Variants in DIP2A observed in about 807,000 individuals in gnomAD.
DIP2A encodes the protein DIP2 acetate--CoA ligase A, also known as disco-interacting protein 2 homolog A.
In DIP2A, 85 loss-of-function variants were observed where a neutral mutation model predicts 177.4. That is an observed-to-expected ratio of 0.48 (90% CI 0.40 to 0.57). The LOEUF (loss-of-function observed/expected upper bound fraction) is 0.57, where lower values mean the gene tolerates loss of function less well. Ranked by LOEUF, DIP2A falls within the 20% of genes least tolerant of loss-of-function variation. The pLI is 0.00. For missense variants in DIP2A, 1,791 were observed against 2,100.2 expected (o/e 0.85, Z 2.88); for synonymous variants, 886 against 881.8 (o/e 1.00, Z -0.08).
chr21:46,532,082 TAA>T, intron 9 of DIP2A, 43 bp from the exon 10 acceptor site: 1 of 1,560,200 alleles, frequency 6.4e-7, no homozygotes, highest in Non-Finnish European at 8.7e-7. Context: ...CTAGATATTG[TAA>T]AAATTGGAAA....
rs780756768 is a variant in DIP2A, at chr21:46,545,174, T to C, written c.2214T>C (p.Tyr738=). Residue 738 remains tyrosine, a synonymous_variant, in exon 19 of 38, where the codon TAT becomes TAC. Coordinates refer to ENST00000417564, the MANE Select transcript of DIP2A (RefSeq NM_015151.4). ...TTGTGAAGTTAGAAGGTACCCCTTATCTTTGTAAAACTGATGAAGTGGGAG... is the reference window on the plus strand; with the variant it reads ...TTGTGAAGTTAGAAGGTACCCCTTACCTTTGTAAAACTGATGAAGTGGGAG... ...VCVVKLEGTP[Y]LCKTDEVGEI... 4 of 1,608,054 alleles carry C rather than the reference T, an allele frequency of 2.5e-6. No homozygotes were observed. The highest frequency in any genetic ancestry group is 3.4e-6 in the Non-Finnish European group (4 of 1,175,100).
chr21:46,504,685 A>G (rs954601948), intron 6 of DIP2A, among the ~76,000 whole-genome samples, 196 bp downstream of exon 6: 9 of 152,242 alleles, frequency 5.9e-5, no homozygotes, highest in Admixed American at 5.2e-4. Flanking sequence ...GGAAATATCA[A>G]TGGAATTGGT....
rs1437497672 is a variant in DIP2A, at chr21:46,551,720, G to A, written c.2926G>A (p.Glu976Lys). 1 of 1,613,980 alleles carries A rather than the reference G, an allele frequency of 6.2e-7. No individual in the cohort carries two copies. The highest frequency in any genetic ancestry group is 1.1e-5 in the South Asian group (1 of 91,084). The change falls in exon 24 of 38, where the codon GAG becomes AAG. Residue 976 changes from glutamate to lysine, a missense_variant. By Grantham distance (56) the Glu-to-Lys change is moderately conservative (BLOSUM62 1). Transcript: ENST00000417564. ...TTCCGGGAGAGAGCTCGCCCACCTG[G>A]AGGACAGCGACCAGGCACGGAAGGT... is the stretch of plus-strand genomic sequence containing the variant. ...QASGRELAHL[E>K]DSDQARKFLF...
intron 1 of DIP2A, among the ~76,000 whole-genome samples, chr21:46,472,309 TG>T (rs2055457155): frequency 1.3e-5 from 2 of 152,222 alleles, no homozygotes; most frequent in African/African-American, 2.4e-5. Context: ...AATAAATGTC[TG>T]TTGTTTAAGT....
At position 46,549,851 on chromosome 21, in the gene DIP2A, A is replaced by T. The variant is rs756439294; in HGVS notation, c.2603A>T (p.Glu868Val). The T allele has an allele frequency of 1.2e-6, 2 of 1,612,726 alleles. No individual in the cohort carries two copies. The highest frequency in any genetic ancestry group is 1.7e-6 in the Non-Finnish European group (2 of 1,179,958). Residue 868 changes from glutamate (E) to valine (V), a missense_variant, in exon 22 of 38, where the codon GAG becomes GTG. Transcript: ENST00000417564. ...VAEQRPDASE[E>V]DSFQWMSRVL... ...GAGCAGCGGCCGGATGCCTCGGAGG[A>T]GGACAGCTTCCAGTGGATGAGCCGT...
rs1466419305 is a variant in DIP2A, at chr21:46,550,528, G to T, written c.2638-15G>T. 6.2e-7 allele frequency: 1 copy of T among 1,607,836 alleles called. No individual in the cohort carries two copies. Among genetic ancestry groups the T allele is most frequent in the East Asian group, 2.2e-5 (1 of 44,708 alleles). On this transcript the variant is annotated splice_polypyrimidine_tract_variant and intron_variant, in intron 22 of 37. Coordinates refer to ENST00000417564, the MANE Select transcript of DIP2A (RefSeq NM_015151.4). ...AAGTTGGGGGCCTGTGCCAAACAGGGTCCTTCCCTTTCAGGCCATTGATAG... is the reference window on the plus strand; with the variant it reads ...AAGTTGGGGGCCTGTGCCAAACAGGTTCCTTCCCTTTCAGGCCATTGATAG...
At chr21:46,467,378 T>G (rs1025007645) in intron 1 of DIP2A, among the ~76,000 whole-genome samples, 1 of 152,134 alleles carries the variant, frequency 6.6e-6, no homozygotes, top group Non-Finnish European at 1.5e-5. Context: ...TTTGTTTGTT[T>G]GTTTTTTAAG....
At chr21:46,469,686 C>T (rs1480227968) in intron 1 of DIP2A, among the ~76,000 whole-genome samples, 2 of 152,204 alleles carry the variant, frequency 1.3e-5, no homozygotes, top group South Asian at 2.1e-4. Context: ...AACTTTGTCT[C>T]AAGGACTCCT....
chr21:46,551,643 C>T lies in DIP2A; in HGVS notation c.2849C>T (p.Pro950Leu), dbSNP rs199908237. The T allele has an allele frequency of 9.0e-5, 145 of 1,613,798 alleles. No individual in the cohort carries two copies. The highest frequency in any genetic ancestry group is 2.4e-5 in the Non-Finnish European group (28 of 1,179,866). The change falls in exon 24 of 38, where the codon CCA becomes CTA. Residue 950 changes from proline (P) to leucine (L), a missense_variant. By Grantham distance (98) the Pro-to-Leu change is moderately conservative (BLOSUM62 -3). Transcript: ENST00000417564. ...KPRQKQPEVG[P>L]ASMIVGNLVA... The stretch of plus-strand genomic sequence containing the variant: ...GTTCCCCCGTTTCTAGAGGTTGGAC[C>T]AGCCTCAATGATCGTGGGGAACCTG...
intron 17 of DIP2A, among the ~76,000 whole-genome samples, chr21:46,540,648 C>A (rs2059775852): frequency 6.6e-6 from 1 of 152,140 alleles, no homozygotes; most frequent in Non-Finnish European, 1.5e-5. Context: ...CAATTGTAAT[C>A]TTGTATTATA....
chr21:46,537,327 G>C lies in DIP2A; in HGVS notation c.1707+39G>C. On this transcript the variant is annotated intron_variant, in intron 14 of 37. Transcript: ENST00000417564. This position sits in a 1 kb window ranked among gnomAD's most constrained non-coding sequence, Gnocchi z 4.1. ...GCTGATGACTAACTGTTGGAACAAG[G>C]GATTGAGATGAACCCAAGCCTCTGC... 6.2e-7 allele frequency: 1 copy of C among 1,612,712 alleles called. No individual in the cohort carries two copies. The highest frequency in any genetic ancestry group is 2.2e-5 in the East Asian group (1 of 44,880).
In DIP2A at chr21:46,538,839, C is replaced by T. The variant is rs2059681848; in HGVS notation, c.1921+237C>T. 5 of 526,290 alleles carry T rather than the reference C, an allele frequency of 9.5e-6. No individual in the cohort carries two copies. In the East Asian group the frequency reaches 1.1e-4, roughly 12 times the overall value. 32.6% of individuals were successfully genotyped at this position (526,290 alleles called of 1,614,324 possible). A position where few individuals can be genotyped will look rare whatever the true frequency, so the allele number is the denominator to read the frequency against. The stretch of plus-strand genomic sequence containing the variant: ...TAATATGCTTGATGAAAGGTACATG[C>T]CTTAATGAGAGTCATCTTTCTTAAG... On this transcript the variant is annotated intron_variant, in intron 16 of 37. Transcript: ENST00000417564.
chr21:46,469,518 C>G (rs374517496), intron 1 of DIP2A, among the ~76,000 whole-genome samples: 4 of 152,254 alleles, frequency 2.6e-5, no homozygotes, highest in Non-Finnish European at 4.4e-5. Flanking sequence ...GTGTGGAGCT[C>G]GATGACGTAC....
intron 35 of DIP2A, among the ~76,000 whole-genome samples, chr21:46,564,714 G>T (rs757669864): frequency 6.6e-6 from 1 of 152,196 alleles, no homozygotes; most frequent in Non-Finnish European, 1.5e-5. Flanking sequence ...AGCAAGCCGT[G>T]CCCAGAGGGA....
chr21:46,523,817 C>T (rs556945235), intron 8 of DIP2A, among the ~76,000 whole-genome samples: 4 of 152,298 alleles, frequency 2.6e-5, no homozygotes, highest in Admixed American at 6.5e-5. Flanking sequence ...AGTACCTCCG[C>T]GTGGTTACAA....
chr21:46,547,064 C>A (rs16979358), intron 21 of DIP2A, 22 bp downstream of exon 21: 1 of 1,607,498 alleles, frequency 6.2e-7, no homozygotes, highest in East Asian at 2.2e-5. Context: ...CGGACCCCCA[C>A]GCCGGGAGTA....
rs114809438 is a variant in DIP2A, at chr21:46,555,007, C to T, written c.3388+74C>T. 4.0e-3 allele frequency: 5,792 copies of T among 1,441,014 alleles called. 161 individuals carry two copies. In the African/African-American group the frequency reaches 0.066, roughly 17 times the overall value. 89.3% of individuals were successfully genotyped at this position (1,441,014 alleles called of 1,614,324 possible). ...TGTAGGTGTGGTGTGGCCTGGCTGC[C>T]GTCCAAAAACACACGTGAGGCAAGA... On this transcript the variant is annotated intron_variant, in intron 28 of 37. Transcript: ENST00000417564.
intron 12 of DIP2A, among the ~76,000 whole-genome samples, 160 bp from the exon 13 acceptor site, chr21:46,534,425 C>A (rs977376973): frequency 4.6e-5 from 7 of 152,206 alleles, no homozygotes; most frequent in African/African-American, 1.7e-4. Flanking sequence ...ATCCCCTCAG[C>A]GGCCAGGGTT....
At chr21:46,562,229 T>C (rs1601856520) in intron 34 of DIP2A, among the ~76,000 whole-genome samples, 1 of 152,136 alleles carries the variant, frequency 6.6e-6, no homozygotes, top group Non-Finnish European at 1.5e-5. Flanking sequence ...CCCCAGACCC[T>C]GTCGGGGATC....
Sources: gnomAD v4.1 joint callset for allele counts (sites outside exome capture counted in the v4.1 genomes callset) on GRCh38, gnomAD v4.1.1 for gene constraint, Gnocchi (gnomAD v3.1) non-coding constraint, MANE v1.5 for transcripts, NCBI Gene and HGNC (gene_info 2026-07-23, HGNC 2026-07-21) for gene names.